The following FHIT variants were observed in gnomAD, a reference collection of about 807,000 sequenced individuals.
The protein encoded by FHIT is fragile histidine triad diadenosine triphosphatase, also known as bis(5'-adenosyl)-triphosphatase.
FHIT carries 19 observed loss-of-function variants against 17.9 expected under a neutral mutation model. The ratio of observed to expected loss-of-function variants is 1.06; its 90% CI spans 0.74 to 1.56. FHIT has a LOEUF of 1.56. FHIT is among the 40% of genes most tolerant of loss of function. The probability of loss-of-function intolerance (pLI) is 0.00; values close to 1 mark genes in which losing one functional copy is unlikely to be tolerated. For synonymous variants in FHIT, 81 were observed against 69.7 expected (o/e 1.16, Z -0.81); for missense variants, 248 against 189.2 (o/e 1.31, Z -1.82).
intron 8 of FHIT, among the ~76,000 whole-genome samples, chr3:59,871,365 G>A (rs1025114628): frequency 1.3e-5 from 2 of 152,046 alleles, no homozygotes; most frequent in African/African-American, 4.8e-5. Context: ...ATATTTGTAA[G>A]AATCTCAACA....
At chr3:60,248,245 CTGA>C (rs564156910) in intron 5 of FHIT, among the ~76,000 whole-genome samples, 2 of 152,092 alleles carry the variant, frequency 1.3e-5, no homozygotes, top group Non-Finnish European at 2.9e-5. Context: ...AGCTGATTTG[CTGA>C]TGATAACAAA....
intron 1 of FHIT, among the ~76,000 whole-genome samples, chr3:61,233,179 T>TA (rs748960733): frequency 6.6e-5 from 10 of 152,202 alleles, no homozygotes; most frequent in Non-Finnish European, 1.5e-4. Context: ...AAAACTGGCA[T>TA]ATCCCTAGAC....
intron 2 of FHIT, among the ~76,000 whole-genome samples, chr3:61,047,039 C>T (rs1361894360): frequency 2.0e-5 from 3 of 152,256 alleles, no homozygotes; most frequent in Admixed American, 6.5e-5. Context: ...CAATATCATA[C>T]CGAATGGGCA....
At chr3:59,803,215 T>G (rs1265727893) in intron 8 of FHIT, among the ~76,000 whole-genome samples, 1 of 152,180 alleles carries the variant, frequency 6.6e-6, no homozygotes, top group Non-Finnish European at 1.5e-5. Context: ...ATTATCTGAA[T>G]TAAAGTCAAG....
At chr3:61,069,395 T>C (rs1048571747) in intron 2 of FHIT, among the ~76,000 whole-genome samples, 2 of 152,190 alleles carry the variant, frequency 1.3e-5, no homozygotes, top group African/African-American at 2.4e-5. Flanking sequence ...TCTGAAGCAA[T>C]TGCTCTGGGG....
chr3:60,008,578 G>C (rs938151874), intron 7 of FHIT, among the ~76,000 whole-genome samples: 1 of 152,118 alleles, frequency 6.6e-6, no homozygotes, highest in African/African-American at 2.4e-5. Context: ...CCATTACTGG[G>C]CTTATTGCTA....
chr3:60,770,160 C>A (rs946477199), intron 4 of FHIT, among the ~76,000 whole-genome samples: 2 of 151,948 alleles, frequency 1.3e-5, no homozygotes, highest in African/African-American at 4.8e-5. Flanking sequence ...CCCAAATGAG[C>A]AGAAGCATTG....
At chr3:59,947,636 T>C (rs1480317157) in intron 7 of FHIT, among the ~76,000 whole-genome samples, 2 of 152,260 alleles carry the variant, frequency 1.3e-5, no homozygotes, top group East Asian at 3.9e-4. Flanking sequence ...TGGGGGAGTA[T>C]GCTGCAACCC....
chr3:60,840,609 C>G (rs1702693343), intron 3 of FHIT, among the ~76,000 whole-genome samples: 1 of 152,204 alleles, frequency 6.6e-6, no homozygotes. Flanking sequence ...TAAAGAGTGT[C>G]TGTGTTTATT....
At chr3:61,200,459 T>C (rs575191719) in intron 2 of FHIT, among the ~76,000 whole-genome samples, 158 bp downstream of exon 2, 2 of 152,330 alleles carry the variant, frequency 1.3e-5, no homozygotes, top group East Asian at 1.9e-4. Flanking sequence ...CTGCTAACTA[T>C]TGCTCAGCAC....
intron 3 of FHIT, among the ~76,000 whole-genome samples, chr3:60,937,859 G>A (rs1297823357): frequency 6.6e-6 from 1 of 152,004 alleles, no homozygotes; most frequent in Non-Finnish European, 1.5e-5. Context: ...ACCACGCCCG[G>A]CCCTCTGCTA....
intron 4 of FHIT, among the ~76,000 whole-genome samples, chr3:60,706,048 A>G (rs2041363929): frequency 6.6e-6 from 1 of 152,172 alleles, no homozygotes; most frequent in African/African-American, 2.4e-5. Flanking sequence ...AATATTCTTT[A>G]ACATCTACAT....
At chr3:60,863,575 A>C in intron 3 of FHIT, among the ~76,000 whole-genome samples, 1 of 152,198 alleles carries the variant, frequency 6.6e-6, no homozygotes, top group East Asian at 1.9e-4. Context: ...TAAACACTTG[A>C]TGGGTGCTCA....
At chr3:60,489,602 C>T (rs1268189774) in intron 5 of FHIT, among the ~76,000 whole-genome samples, 2 of 152,178 alleles carry the variant, frequency 1.3e-5, no homozygotes, top group Non-Finnish European at 2.9e-5. Flanking sequence ...CATGCTACTG[C>T]TCACTACAAT....
intron 4 of FHIT, among the ~76,000 whole-genome samples, chr3:60,549,864 G>C (rs988523252): frequency 6.6e-6 from 1 of 152,116 alleles, no homozygotes; most frequent in African/African-American, 2.4e-5. Flanking sequence ...TTATGGCCAG[G>C]AATATTAAGG....
intron 8 of FHIT, among the ~76,000 whole-genome samples, chr3:59,781,764 C>T (rs1173450869): frequency 6.6e-6 from 1 of 152,130 alleles, no homozygotes; most frequent in African/African-American, 2.4e-5. Context: ...TCTACCTGGT[C>T]CCAGATGAAG....
chr3:61,014,810 A>ATATATATT (rs1435631922), intron 3 of FHIT, among the ~76,000 whole-genome samples: 3 of 129,878 alleles, frequency 2.3e-5, no homozygotes, highest in Non-Finnish European at 4.9e-5. Context: ...AAAAAAAAAT[A>ATATATATT]TATATATATA....
chr3:60,845,305 G>T (rs782685803), intron 3 of FHIT, among the ~76,000 whole-genome samples: 50 of 151,696 alleles, frequency 3.3e-4, no homozygotes, highest in Non-Finnish European at 6.8e-4. Flanking sequence ...TAATTAGAAA[G>T]GTAGGAGTAA....
chr3:60,980,522 T>A (rs1287057344), intron 3 of FHIT, among the ~76,000 whole-genome samples: 5 of 152,176 alleles, frequency 3.3e-5, no homozygotes, highest in Non-Finnish European at 5.9e-5. Flanking sequence ...TGTGGGAAGT[T>A]ATCACAGAAA....
Sources: gnomAD v4.1 joint callset for allele counts (sites outside exome capture counted in the v4.1 genomes callset) on GRCh38, gnomAD v4.1.1 for gene constraint, MANE v1.5 for transcripts, NCBI Gene and HGNC (gene_info 2026-07-23, HGNC 2026-07-21) for gene names.